The following PCSK5 variants were observed in gnomAD, a reference collection of about 807,000 sequenced individuals.
PCSK5 encodes proprotein convertase subtilisin/kexin type 5, also known as prohormone convertase 5.
In PCSK5, 129 loss-of-function variants were observed where a neutral mutation model predicts 233.2. The observed-to-expected ratio is 0.55, with a 90% CI of 0.48 to 0.64. The LOEUF (loss-of-function observed/expected upper bound fraction) is 0.64. PCSK5 is among the 30% of genes least tolerant of loss of function. The pLI, the probability that PCSK5 is intolerant of heterozygous loss-of-function variation, is 0.00. For missense variants in PCSK5, 2,076 were observed against 2,430.1 expected, an observed-to-expected ratio of 0.85 and a Z score of 3.06; for synonymous variants, 825 against 879.2, an observed-to-expected ratio of 0.94 and a Z score of 1.09.
intron 1 of PCSK5, among the ~76,000 whole-genome samples, chr9:75,906,233 A>AT (rs879475257): frequency 4.2e-4 from 63 of 149,506 alleles, no homozygotes; most frequent in East Asian, 4.1e-3. Context: ...GCAGATACCT[A>AT]TTTTTTTTTT....
chr9:76,130,981 C>T (rs941107704), intron 9 of PCSK5, among the ~76,000 whole-genome samples: 2 of 152,062 alleles, frequency 1.3e-5, no homozygotes, highest in East Asian at 1.9e-4. Flanking sequence ...TCTTGGAGAT[C>T]AGAGAGGTCT....
intron 1 of PCSK5, among the ~76,000 whole-genome samples, chr9:75,900,878 T>G (rs1052818701): frequency 2.0e-5 from 3 of 152,020 alleles, no homozygotes; most frequent in African/African-American, 7.2e-5. Flanking sequence ...GCTGGTGAGC[T>G]TTTTGAGAGG....
chr9:76,018,192 C>T (rs930130552), intron 3 of PCSK5, among the ~76,000 whole-genome samples: 1 of 151,366 alleles, frequency 6.6e-6, no homozygotes, highest in South Asian at 2.1e-4. Flanking sequence ...GATCCACCTT[C>T]TGTAAGTCAT....
chr9:76,025,445 A>G (rs907379778), intron 4 of PCSK5, among the ~76,000 whole-genome samples: 2 of 152,066 alleles, frequency 1.3e-5, no homozygotes, highest in African/African-American at 4.8e-5. Flanking sequence ...ACAGACCACC[A>G]GAACTGAAAA....
intron 32 of PCSK5, among the ~76,000 whole-genome samples, chr9:76,324,073 G>C (rs1463852131): frequency 6.6e-6 from 1 of 151,696 alleles, no homozygotes; most frequent in Non-Finnish European, 1.5e-5. Flanking sequence ...CTACAGGCGT[G>C]TGCCACCACG....
Position 76,323,099 on chromosome 9 carries a change from T to C in PCSK5, c.4150T>C (p.Cys1384Arg). Reference sequence around the variant, plus strand: ...GCACGATGATATGTGCCACCAGTCCTGTCCCCGTGGCTTCTATGCAGACTC... The same window carrying C: ...GCACGATGATATGTGCCACCAGTCCCGTCCCCGTGGCTTCTATGCAGACTC... ...FLHDDMCHQS[C>R]PRGFYADSRH... The change falls in exon 32 of 38, where the codon TGT becomes CGT. Residue 1384 changes from cysteine to arginine, a missense_variant. By Grantham distance (180) the Cys-to-Arg change is radical. Transcript: ENST00000674117. 7 of 1,610,962 alleles carry C rather than the reference T, an allele frequency of 4.3e-6. No individual in the cohort carries two copies. The highest frequency in any genetic ancestry group is 5.9e-6 in the Non-Finnish European group (7 of 1,178,990).
chr9:76,001,218 C>A (rs1015282693), intron 3 of PCSK5, among the ~76,000 whole-genome samples: 1 of 152,090 alleles, frequency 6.6e-6, no homozygotes, highest in African/African-American at 2.4e-5. Flanking sequence ...ACAGAACTAC[C>A]ATCAGCACTG....
rs771579338 is a variant in PCSK5, at chr9:76,328,163, C to T, written c.4494C>T (p.Cys1498=). The part of the protein sequence containing the change: ...WDEDAPGCKP[C]HVKCFHCMGP... Reference sequence around the variant, plus strand: ...AGGATGCTCCCGGGTGCAAGCCCTGCCATGTTAAGTGCTTCCACTGCATGG... The same window carrying T: ...AGGATGCTCCCGGGTGCAAGCCCTGTCATGTTAAGTGCTTCCACTGCATGG... Residue 1498 remains cysteine (C), a synonymous_variant, in exon 33 of 38, where the codon TGC becomes TGT. Coordinates refer to ENST00000674117, the MANE Select transcript of PCSK5 (RefSeq NM_001372043.1). The T allele has an allele frequency of 1.9e-6, 3 of 1,612,830 alleles. No individual in the cohort carries two copies. The highest frequency in any genetic ancestry group is 2.5e-6 in the Non-Finnish European group (3 of 1,179,832).
intron 9 of PCSK5, among the ~76,000 whole-genome samples, chr9:76,110,186 A>G (rs1167957640): frequency 6.6e-6 from 1 of 152,168 alleles, no homozygotes; most frequent in African/African-American, 2.4e-5. Context: ...CTCTAGGCAG[A>G]GTTATGACTC....
intron 3 of PCSK5, among the ~76,000 whole-genome samples, chr9:76,023,206 A>G (rs1444408577): frequency 2.0e-5 from 3 of 152,188 alleles, no homozygotes; most frequent in African/African-American, 7.2e-5. Flanking sequence ...ATGCTTTTCC[A>G]AAAGACTTAC....
Position 76,355,397 on chromosome 9 carries a change from C to T in PCSK5, c.5254+1178C>T, listed in dbSNP as rs563322319. Among the ~76,000 whole-genome samples, 6 of 152,114 alleles carry T rather than the reference C, an allele frequency of 3.9e-5. No homozygotes were observed. The East Asian group carries it at 5.8e-4, about 15-fold the overall frequency. On this transcript the variant is annotated intron_variant, in intron 37 of 37. Coordinates refer to ENST00000674117, the MANE Select transcript of PCSK5 (RefSeq NM_001372043.1). ...CTGAGGCAAGAGAATGGCGTGAACC[C>T]GGGAGGCAGAGCTCGCAGTGAGCCA...
At chr9:76,283,729 A>C (rs10124180) in intron 24 of PCSK5, among the ~76,000 whole-genome samples, 19,866 of 152,238 alleles carry the variant, frequency 0.13, 1,714 homozygotes, top group African/African-American at 0.25. Context: ...TGATCTAGAA[A>C]GTTTGCTCCG....
rs534220913 is a variant in PCSK5 at position 76,189,631 on chromosome 9, A to T, written c.2511A>T (p.Lys837Asn). Reference protein sequence around the residue: ...SSENGYKSCKKCDISCLTCNG... With the variant: ...SSENGYKSCKNCDISCLTCNG... The stretch of plus-strand genomic sequence containing the variant: ...AAAAAATTGTACATTTTTCTCATAG[A>T]TGTGATATCAGTTGTTTGACGTGCA... Residue 837 changes from lysine (K) to asparagine (N), a missense_variant and splice_region_variant, in exon 20 of 38, where the codon AAA becomes AAT. Physicochemically the swap from Lys to Asn is moderately conservative, Grantham distance 94 (BLOSUM62 0). Transcript: ENST00000674117. 28 of 1,594,992 alleles carry T rather than the reference A, an allele frequency of 1.8e-5. No individual in the cohort carries two copies. The highest frequency in any genetic ancestry group is 2.2e-5 in the Non-Finnish European group (26 of 1,162,946).
At chr9:76,325,058 T>C (rs1256430205) in intron 32 of PCSK5, among the ~76,000 whole-genome samples, 1 of 152,112 alleles carries the variant, frequency 6.6e-6, no homozygotes, top group East Asian at 1.9e-4. Flanking sequence ...TTTTGTGTGT[T>C]TTATATAAAG....
At chr9:76,059,570 A>G (rs1184815496) in intron 5 of PCSK5, among the ~76,000 whole-genome samples, 2 of 152,148 alleles carry the variant, frequency 1.3e-5, no homozygotes, top group Non-Finnish European at 2.9e-5. Context: ...TCAGCTTTCT[A>G]CATATGGCTG....
At chr9:76,125,251 T>C (rs563044336) in intron 9 of PCSK5, among the ~76,000 whole-genome samples, 1 of 152,332 alleles carries the variant, frequency 6.6e-6, no homozygotes, top group African/African-American at 2.4e-5. Context: ...GATTCTGAGA[T>C]TCTAGCAGAG....
At chr9:76,212,326 T>A (rs1825361090) in intron 20 of PCSK5, among the ~76,000 whole-genome samples, 1 of 152,202 alleles carries the variant, frequency 6.6e-6, no homozygotes, top group Non-Finnish European at 1.5e-5. Flanking sequence ...CACTATATTT[T>A]GCTCCATCAA....
At chr9:76,352,246 T>C (rs1830185575) in intron 36 of PCSK5, among the ~76,000 whole-genome samples, 1 of 152,176 alleles carries the variant, frequency 6.6e-6, no homozygotes, top group African/African-American at 2.4e-5. Flanking sequence ...CCATGGCATT[T>C]GTAAACTGCC....
At chr9:76,347,424 C>G (rs1830007542) in intron 35 of PCSK5, among the ~76,000 whole-genome samples, 1 of 152,142 alleles carries the variant, frequency 6.6e-6, no homozygotes, top group Non-Finnish European at 1.5e-5. Context: ...TGGAAATCAA[C>G]AAACTGCCTT....
Sources: allele counts gnomAD v4.1 joint callset (sites outside exome capture counted in the v4.1 genomes callset), GRCh38; gene constraint gnomAD v4.1.1; transcripts MANE v1.5; gene names NCBI Gene and HGNC (gene_info 2026-07-23, HGNC 2026-07-21).